TGFBR3: variants seen among roughly 807,000 people sequenced by gnomAD.
The protein encoded by TGFBR3 is transforming growth factor beta receptor type 3.
A neutral mutation model predicts 87.9 loss-of-function variants in TGFBR3; 46 were observed. The observed-to-expected ratio is 0.52, with a 90% CI of 0.41 to 0.67. TGFBR3 has a LOEUF of 0.67. TGFBR3 is among the 30% of genes least tolerant of loss of function. The probability of loss-of-function intolerance (pLI) is 0.00; values close to 1 mark genes in which losing one functional copy is unlikely to be tolerated. For synonymous variants in TGFBR3, 381 were observed against 391.6 expected, an observed-to-expected ratio of 0.97 and a Z score of 0.32; for missense variants, 866 against 1,041.9, an observed-to-expected ratio of 0.83 and a Z score of 2.32.
At chr1:91,849,098 G>T (rs1677617628) in intron 2 of TGFBR3, among the ~76,000 whole-genome samples, 1 of 152,036 alleles carries the variant, frequency 6.6e-6, no homozygotes, top group Non-Finnish European at 1.5e-5. Context: ...GACTCCCAAG[G>T]GTCCTTCCTT....
At position 91,720,247 on chromosome 1, in the gene TGFBR3, G is replaced by T; in HGVS notation, c.1076-17C>A. The T allele has an allele frequency of 6.4e-7, 1 of 1,564,306 alleles. No individual in the cohort carries two copies. The highest frequency in any genetic ancestry group is 8.7e-7 in the Non-Finnish European group (1 of 1,153,562). On this transcript the variant is annotated splice_polypyrimidine_tract_variant and intron_variant, in intron 8 of 16. Coordinates refer to ENST00000212355, the MANE Select transcript of TGFBR3 (RefSeq NM_003243.5). Reference sequence around the variant, plus strand: ...TCTCCTCTGCTGGTGAAAGAAGAAGGCAAAACATCAGCAGTGTTTGATGCC... The same window carrying T: ...TCTCCTCTGCTGGTGAAAGAAGAAGTCAAAACATCAGCAGTGTTTGATGCC...
chr1:91,856,453 C>CT (rs1373208337), intron 2 of TGFBR3, among the ~76,000 whole-genome samples: 4 of 151,932 alleles, frequency 2.6e-5, no homozygotes, highest in African/African-American at 9.7e-5. Flanking sequence ...CATTCACTCT[C>CT]TATCACAAGC....
chr1:91,809,896 G>C (rs963363657), intron 2 of TGFBR3, among the ~76,000 whole-genome samples: 1 of 152,156 alleles, frequency 6.6e-6, no homozygotes, highest in Admixed American at 6.5e-5. Flanking sequence ...TCACAGTGAA[G>C]CTAAAAGGCT....
intron 3 of TGFBR3, among the ~76,000 whole-genome samples, chr1:91,780,550 G>GTTTT (rs563352956): frequency 1.2e-4 from 9 of 75,538 alleles, no homozygotes; most frequent in African/African-American, 4.9e-4. Context: ...AGGGTCTAAG[G>GTTTT]CTTTTTTTTT....
chr1:91,800,318 A>G (rs28570509), intron 2 of TGFBR3, among the ~76,000 whole-genome samples: 36,396 of 128,284 alleles, frequency 0.28, 5,662 homozygotes, highest in South Asian at 0.38. Context: ...ATATATGTAT[A>G]TATATGTGTA....
chr1:91,711,435 C>A (rs1234401710), intron 13 of TGFBR3, among the ~76,000 whole-genome samples: 2 of 152,112 alleles, frequency 1.3e-5, no homozygotes, highest in African/African-American at 4.8e-5. Flanking sequence ...GAGAAAATTC[C>A]ATACATACAT....
intron 3 of TGFBR3, among the ~76,000 whole-genome samples, chr1:91,788,014 G>A (rs1675035731): frequency 6.6e-6 from 1 of 151,538 alleles, no homozygotes. Flanking sequence ...TGGAATGGTA[G>A]AATGAGAACC....
intron 3 of TGFBR3, among the ~76,000 whole-genome samples, chr1:91,781,497 C>G (rs1392186901): frequency 6.6e-6 from 1 of 152,162 alleles, no homozygotes; most frequent in Admixed American, 6.5e-5. Context: ...ACCCACAGTT[C>G]TGCTGGAAAT....
chr1:91,840,627 T>C (rs1046362993), intron 2 of TGFBR3, among the ~76,000 whole-genome samples: 24 of 152,260 alleles, frequency 1.6e-4, no homozygotes, highest in African/African-American at 5.8e-4. Flanking sequence ...TATAATATTT[T>C]AAAAATCACA....
upstream of TGFBR3, chr1:91,886,157 C>A (rs1281694730): frequency 4.4e-6 from 2 of 453,984 alleles, no homozygotes; most frequent in African/African-American, 4.0e-5. Context: ...CGATTACCCC[C>A]ATCAGGCCGA....
chr1:91,698,008 G>A (rs1671489950), intron 15 of TGFBR3, 81 bp downstream of exon 15: 2 of 1,349,148 alleles, frequency 1.5e-6, no homozygotes, highest in Admixed American at 1.7e-5. Flanking sequence ...AAAACTCAAA[G>A]TTTGGCAAAT....
At chr1:91,742,348 G>A (rs1673186635) in intron 4 of TGFBR3, among the ~76,000 whole-genome samples, 1 of 152,200 alleles carries the variant, frequency 6.6e-6, no homozygotes, top group African/African-American at 2.4e-5. Context: ...GCATAGTGCT[G>A]GGCATGAAGC....
chr1:91,690,953 A>G (rs1386794927), intron 16 of TGFBR3, among the ~76,000 whole-genome samples: 1 of 152,144 alleles, frequency 6.6e-6, no homozygotes, highest in Non-Finnish European at 1.5e-5. Flanking sequence ...TAATATTCTC[A>G]GATGATACTG....
chr1:91,778,317 G>A (rs1674643426), intron 3 of TGFBR3, among the ~76,000 whole-genome samples: 1 of 151,898 alleles, frequency 6.6e-6, no homozygotes, highest in African/African-American at 2.4e-5. Context: ...ATTCTCAATT[G>A]GTATTTTGAA....
At chr1:91,739,090 G>A (rs1434130427) in intron 4 of TGFBR3, among the ~76,000 whole-genome samples, 1 of 152,192 alleles carries the variant, frequency 6.6e-6, no homozygotes, top group Non-Finnish European at 1.5e-5. Context: ...GCTGAGGCAA[G>A]GTTGGTAGGA....
At chr1:91,728,158 A>G (rs1006652741) in intron 6 of TGFBR3, among the ~76,000 whole-genome samples, 1 of 152,134 alleles carries the variant, frequency 6.6e-6, no homozygotes, top group African/African-American at 2.4e-5. Context: ...AACACCTTCG[A>G]TGTACAGGAT....
At chr1:91,815,071 G>A (rs1676166100) in intron 2 of TGFBR3, among the ~76,000 whole-genome samples, 1 of 152,188 alleles carries the variant, frequency 6.6e-6, no homozygotes, top group Non-Finnish European at 1.5e-5. Flanking sequence ...GGAGGCCAAG[G>A]CAGGTGGATC....
intron 2 of TGFBR3, among the ~76,000 whole-genome samples, chr1:91,841,725 C>T (rs1264528264): frequency 6.9e-6 from 1 of 144,936 alleles, no homozygotes; most frequent in South Asian, 2.2e-4. Flanking sequence ...ACCTGGGAGG[C>T]GAAGGTTGCT....
intron 2 of TGFBR3, among the ~76,000 whole-genome samples, chr1:91,824,079 G>C (rs528800935): frequency 6.6e-6 from 1 of 152,114 alleles, no homozygotes; most frequent in African/African-American, 2.4e-5. Context: ...GCAGTGAGCC[G>C]AGACTGTACC....
Sources: gnomAD v4.1 joint callset for allele counts (sites outside exome capture counted in the v4.1 genomes callset) on GRCh38, gnomAD v4.1.1 for gene constraint, MANE v1.5 for transcripts, NCBI Gene and HGNC (gene_info 2026-07-23, HGNC 2026-07-21) for gene names.